Variants in SCN2B observed in about 807,000 individuals in gnomAD.
SCN2B encodes the protein sodium voltage-gated channel beta subunit 2, also known as sodium channel regulatory subunit beta-2.
In SCN2B, 14 loss-of-function variants were observed where a neutral mutation model predicts 18.2. The observed-to-expected ratio is 0.77, with a 90% CI of 0.51 to 1.21. SCN2B has a LOEUF of 1.21. Ranked by LOEUF, SCN2B falls within the 50% of genes most tolerant of loss-of-function variation. SCN2B has a pLI of 0.00. For missense variants in SCN2B, 262 were observed against 286.9 expected (o/e 0.91, Z 0.63); for synonymous variants, 115 against 115.3 (o/e 1.00, Z 0.02).
intron 3 of SCN2B, among the ~76,000 whole-genome samples, chr11:118,167,692 G>C (rs1948395660): frequency 6.6e-6 from 1 of 152,302 alleles, no homozygotes; most frequent in East Asian, 1.9e-4. Context: ...AAGTAGCTGG[G>C]AGTATAGGTG....
In SCN2B at chr11:118,168,127, G is replaced by T. The variant is rs1334600931; in HGVS notation, c.406C>A (p.His136Asn). The change falls in exon 3 of 4, where the codon CAC becomes AAC. Residue 136 changes from histidine to asparagine, a missense_variant. Coordinates refer to ENST00000278947, the MANE Select transcript of SCN2B (RefSeq NM_004588.5). This position sits in a 1 kb window ranked among gnomAD's most constrained non-coding sequence, Gnocchi z 4.7. Reference sequence around the variant, plus strand: ...AGATGGATCTTGCCATGGCCACGGTGGCGGTCAGGGGGGTTCATGATGTAG... The same window carrying T: ...AGATGGATCTTGCCATGGCCACGGTTGCGGTCAGGGGGGTTCATGATGTAG... ...NCYIMNPPDR[H>N]RGHGKIHLQV... 6.2e-7 allele frequency: 1 copy of T among 1,614,156 alleles called. No individual in the cohort carries two copies.
In SCN2B at chr11:118,176,446, A is replaced by T. The variant is rs1948469153; in HGVS notation, c.-15T>A. 6.2e-7 allele frequency: 1 copy of T among 1,611,680 alleles called. No individual in the cohort carries two copies. Among genetic ancestry groups the T allele is most frequent in the Non-Finnish European group, 8.5e-7 (1 of 1,178,142 alleles). On this transcript the variant is annotated 5_prime_UTR_variant, in exon 1 of 4. Transcript: ENST00000278947. ...TCTCTGTGCATTTTCAGAGACTGAG[A>T]TGTTAGTCGGGTGGGCTACGGGAGA...
Position 118,165,265 on chromosome 11 carries a change from G to C in SCN2B, c.*1622C>G, listed in dbSNP as rs920549780. ...GGAGACTGAGGAGCCAGAGAAGAGG[G>C]CAGGACCCTCAGTTTCTGTCAGTTG... On this transcript the variant is annotated 3_prime_UTR_variant, in exon 4 of 4. Transcript: ENST00000278947. 4 of 152,626 alleles carry C rather than the reference G, an allele frequency of 2.6e-5. No homozygotes were observed. The highest frequency in any genetic ancestry group is 6.5e-5 in the Admixed American group (1 of 15,276). 9.5% of individuals were successfully genotyped at this position (152,626 alleles called of 1,614,324 possible).
rs759915432 is a variant in SCN2B at position 118,168,925 on chromosome 11, G to T, written c.71-174C>A. On this transcript the variant is annotated intron_variant, in intron 1 of 3. Transcript: ENST00000278947. This position sits in a 1 kb window ranked among gnomAD's most constrained non-coding sequence, Gnocchi z 4.7. ...TGGGAGTTACTGTTATTTGCAACAG[G>T]GTCTCTGTTGCCCAAGCTGGAGTGC... is the stretch of plus-strand genomic sequence containing the variant. Among the ~76,000 whole-genome samples the T allele has an allele frequency of 2.0e-5, 3 of 152,132 alleles. No homozygotes were observed. The highest frequency in any genetic ancestry group is 6.5e-5 in the Admixed American group (1 of 15,272).
At chr11:118,175,463 G>T (rs1948462531) in intron 1 of SCN2B, among the ~76,000 whole-genome samples, 1 of 152,158 alleles carries the variant, frequency 6.6e-6, no homozygotes, top group Non-Finnish European at 1.5e-5. Context: ...TTTGTGGTGG[G>T]GAATAGTTCC....
chr11:118,172,707 G>A (rs1414500590), intron 1 of SCN2B, among the ~76,000 whole-genome samples: 3 of 152,128 alleles, frequency 2.0e-5, no homozygotes, highest in Admixed American at 1.3e-4. Flanking sequence ...CGGGCCACCC[G>A]CTGTCTCCAA....
At chr11:118,169,175 G>C (rs990536215) in intron 1 of SCN2B, among the ~76,000 whole-genome samples, 3 of 152,156 alleles carry the variant, frequency 2.0e-5, no homozygotes, top group Non-Finnish European at 4.4e-5. Context: ...CCACAGAGCA[G>C]GTAGGGGAGG....
intron 1 of SCN2B, among the ~76,000 whole-genome samples, chr11:118,174,989 A>G (rs944731358): frequency 1.3e-5 from 2 of 152,186 alleles, no homozygotes; most frequent in Non-Finnish European, 2.9e-5. Flanking sequence ...TCCAACGTTT[A>G]AGAGAATGTG....
rs775832557 is a variant in SCN2B, at chr11:118,168,591, C to G, written c.231G>C (p.Glu77Asp). The change falls in exon 2 of 4, where the codon GAG (glutamate) becomes GAC (aspartate). Residue 77 changes from glutamate to aspartate, a missense_variant. Glu to Asp is a conservative substitution (Grantham distance 45). Coordinates refer to ENST00000278947, the MANE Select transcript of SCN2B (RefSeq NM_004588.5). This position sits in a 1 kb window ranked among gnomAD's most constrained non-coding sequence, Gnocchi z 4.7. ...CCTTCAGCCCAGGACTCACCATCTCCTCAGAGCAGTTGTTGCACTCCTGGT... is the reference window on the plus strand; with the variant it reads ...CCTTCAGCCCAGGACTCACCATCTCGTCAGAGCAGTTGTTGCACTCCTGGT... Reference protein sequence around the residue: ...WTYQECNNCSEEMFLQFRMKI... With the variant: ...WTYQECNNCSDEMFLQFRMKI... The G allele has an allele frequency of 4.3e-6, 7 of 1,614,110 alleles. No individual in the cohort carries two copies. In the South Asian group the frequency reaches 6.6e-5, roughly 15 times the overall value.
chr11:118,172,935 C>T (rs769200571), intron 1 of SCN2B, among the ~76,000 whole-genome samples: 12 of 151,522 alleles, frequency 7.9e-5, no homozygotes, highest in Non-Finnish European at 1.6e-4. Flanking sequence ...TGAACTGTCT[C>T]CCGGGGCAGC....
chr11:118,168,539 G>C lies in SCN2B; in HGVS notation c.237+46C>G. On this transcript the variant is annotated intron_variant, in intron 2 of 3. Coordinates refer to ENST00000278947, the MANE Select transcript of SCN2B (RefSeq NM_004588.5). The surrounding 1 kb of genome is among the most constrained non-coding windows in gnomAD (Gnocchi z 4.7). ...GTGGGACCAGGGGCTTCATGCCATG[G>C]GGCTCCTACCTCCTCCCCTGCCCCT... 6.2e-7 allele frequency: 1 copy of C among 1,612,190 alleles called. No homozygotes were observed. The highest frequency in any genetic ancestry group is 8.5e-7 in the Non-Finnish European group (1 of 1,178,470).
Position 118,176,440 on chromosome 11 carries a change from A to T in SCN2B, c.-9T>A. 1 of 1,613,300 alleles carries T rather than the reference A, an allele frequency of 6.2e-7. No individual in the cohort carries two copies. The highest frequency in any genetic ancestry group is 1.3e-5 in the African/African-American group (1 of 74,954). On this transcript the variant is annotated 5_prime_UTR_variant, in exon 1 of 4. Coordinates refer to ENST00000278947, the MANE Select transcript of SCN2B (RefSeq NM_004588.5). ...CAGGCATCTCTGTGCATTTTCAGAG[A>T]CTGAGATGTTAGTCGGGTGGGCTAC... is the stretch of plus-strand genomic sequence containing the variant.
intron 1 of SCN2B, among the ~76,000 whole-genome samples, chr11:118,170,648 G>A (rs920047161): frequency 2.0e-5 from 3 of 152,194 alleles, no homozygotes; most frequent in African/African-American, 7.2e-5. Context: ...GCATAGACAA[G>A]GGGATGAGAC....
Position 118,168,434 on chromosome 11 carries a change from C to G in SCN2B, c.238-139G>C. 1 of 1,279,778 alleles carries G rather than the reference C, an allele frequency of 7.8e-7. No homozygotes were observed. Among genetic ancestry groups the G allele is most frequent in the Non-Finnish European group, 1.1e-6 (1 of 879,070 alleles). The allele number at this position is 1,279,778 out of a possible 1,614,324, so 79.3% of individuals were successfully genotyped here. A position where few individuals can be genotyped will look rare whatever the true frequency, so the allele number is the denominator to read the frequency against. ...CTCTGTGAGGCACCTGGATGCGCAG[C>G]ACACCTTGTTTCAAGAGCCTCCAGA... On this transcript the variant is annotated intron_variant, in intron 2 of 3. Transcript: ENST00000278947. The surrounding 1 kb of genome is among the most constrained non-coding windows in gnomAD (Gnocchi z 4.7).
At position 118,163,450 on chromosome 11, in the gene SCN2B, C is replaced by T. The variant is rs1018772866; in HGVS notation, c.*3437G>A. ...AGACTCGCAGAGAGAAACATGGATC[C>T]GATCAGCTTTTCCTTTTTATAAACT... On this transcript the variant is annotated 3_prime_UTR_variant, in exon 4 of 4. Coordinates refer to ENST00000278947, the MANE Select transcript of SCN2B (RefSeq NM_004588.5). 3.3e-5 allele frequency: 5 copies of T among 152,634 alleles called. No individual in the cohort carries two copies. Among genetic ancestry groups the T allele is most frequent in the Non-Finnish European group, 7.3e-5 (5 of 68,052 alleles). The allele number at this position is 152,634 out of a possible 1,614,324, so 9.5% of individuals were successfully genotyped here.
intron 1 of SCN2B, among the ~76,000 whole-genome samples, chr11:118,169,048 G>A (rs891192244): frequency 6.6e-6 from 1 of 152,096 alleles, no homozygotes; most frequent in Admixed American, 6.5e-5. Context: ...GGTGCAAGCC[G>A]CATGGAATTG....
Position 118,168,103 on chromosome 11 carries a change from G to A in SCN2B, c.430C>T (p.Leu144=). 1 of 1,614,056 alleles carries A rather than the reference G, an allele frequency of 6.2e-7. No individual in the cohort carries two copies. ...DRHRGHGKIH[L]QVLMEEPPER... ...CCTTCACCTTCCATGAGGACCTGCA[G>A]ATGGATCTTGCCATGGCCACGGTGG... is the stretch of plus-strand genomic sequence containing the variant. The change falls in exon 3 of 4, where the codon CTG becomes TTG. Residue 144 remains leucine, a synonymous_variant. Transcript: ENST00000278947. The surrounding 1 kb of genome is among the most constrained non-coding windows in gnomAD (Gnocchi z 4.7).
rs201460753 is a variant in SCN2B, at chr11:118,168,282, C to T, written c.251G>A (p.Arg84His). The T allele has an allele frequency of 4.4e-5, 71 of 1,613,990 alleles. No individual in the cohort carries two copies. The highest frequency in any genetic ancestry group is 5.5e-5 in the South Asian group (5 of 91,074). Reference sequence around the variant, plus strand: ...CAGCTTCAGGTTAATGATCTTCATGCGGAACTGGAGGAACTGGGGTTGGAG... The same window carrying T: ...CAGCTTCAGGTTAATGATCTTCATGTGGAACTGGAGGAACTGGGGTTGGAG... ...NCSEEMFLQFRMKIINLKLER... is the reference protein window; with the variant it reads ...NCSEEMFLQFHMKIINLKLER... Residue 84 changes from arginine (R) to histidine (H), a missense_variant, in exon 3 of 4, where the codon CGC becomes CAC. Physicochemically the swap from Arg to His is conservative, Grantham distance 29 (BLOSUM62 0). Transcript: ENST00000278947. The surrounding 1 kb of genome is among the most constrained non-coding windows in gnomAD (Gnocchi z 4.7).
At chr11:118,170,307 G>A (rs1948420369) in intron 1 of SCN2B, among the ~76,000 whole-genome samples, 1 of 152,216 alleles carries the variant, frequency 6.6e-6, no homozygotes, top group South Asian at 2.1e-4. Context: ...GGGACACACA[G>A]GCAGCGCCCA....
Sources: gnomAD v4.1 joint callset for allele counts (sites outside exome capture counted in the v4.1 genomes callset) on GRCh38, gnomAD v4.1.1 for gene constraint, Gnocchi (gnomAD v3.1) non-coding constraint, MANE v1.5 for transcripts, NCBI Gene and HGNC (gene_info 2026-07-23, HGNC 2026-07-21) for gene names.